The following POLE variants were observed in gnomAD, a reference collection of about 807,000 sequenced individuals.
The protein encoded by POLE is DNA polymerase epsilon, catalytic subunit.
A neutral mutation model predicts 279.2 loss-of-function variants in POLE; 188 were observed. The observed-to-expected ratio is 0.67, with a 90% CI of 0.60 to 0.76. The LOEUF (loss-of-function observed/expected upper bound fraction) is 0.76. Among genes scored for constraint, POLE ranks in the 30% least tolerant of loss-of-function variants. The pLI, the probability that POLE is intolerant of heterozygous loss-of-function variation, is 0.00. For missense variants in POLE, 2,703 were observed against 3,016.7 expected, an observed-to-expected ratio of 0.90 and a Z score of 2.44; for synonymous variants, 1,214 against 1,172.5, an observed-to-expected ratio of 1.04 and a Z score of -0.72.
chr12:132,636,441 GAAA>G (rs60289510), intron 41 of POLE, among the ~76,000 whole-genome samples: 1,702 of 44,242 alleles, frequency 0.038, 13 homozygotes, highest in East Asian at 0.077. Flanking sequence ...TCCATTTAAG[GAAA>G]AAAAAAAAAA....
At chr12:132,628,264 C>A (rs2041873553) in intron 45 of POLE, among the ~76,000 whole-genome samples, 3 of 152,126 alleles carry the variant, frequency 2.0e-5, no homozygotes, top group African/African-American at 4.8e-5. Context: ...ATGGCGTGAA[C>A]CTGGGAGGGA....
intron 29 of POLE, among the ~76,000 whole-genome samples, chr12:132,653,561 C>A (rs962151830): frequency 2.0e-5 from 3 of 152,222 alleles, no homozygotes; most frequent in South Asian, 4.1e-4. Flanking sequence ...TGCTGAAATA[C>A]ATATAAGTTA....
intron 6 of POLE, 27 bp downstream of exon 6, chr12:132,679,470 T>C (rs769998386): frequency 4.4e-6 from 7 of 1,589,076 alleles, no homozygotes; most frequent in Admixed American, 3.4e-5. Flanking sequence ...GAACCGCTGA[T>C]GCTTTGCTCA....
chr12:132,641,912 T>A, intron 38 of POLE, 61 bp from the exon 39 acceptor site: 1 of 1,519,370 alleles, frequency 6.6e-7, no homozygotes, highest in East Asian at 2.3e-5. Flanking sequence ...ACCAGCCCCC[T>A]GGGCCTGACT....
intron 39 of POLE, among the ~76,000 whole-genome samples, chr12:132,640,390 C>T (rs1454521557): frequency 6.6e-6 from 1 of 152,282 alleles, no homozygotes; most frequent in Admixed American, 6.5e-5. Flanking sequence ...GAACACAAGG[C>T]TGGGCCCCTA....
chr12:132,628,969 C>G (rs1279700421), intron 45 of POLE, among the ~76,000 whole-genome samples: 1 of 152,234 alleles, frequency 6.6e-6, no homozygotes, highest in Non-Finnish European at 1.5e-5. Flanking sequence ...AATGGTGAAT[C>G]CTTTCTAGAA....
At chr12:132,678,310 T>C (rs1372727101) in intron 6 of POLE, among the ~76,000 whole-genome samples, 1 of 150,150 alleles carries the variant, frequency 6.7e-6, no homozygotes, top group Non-Finnish European at 1.5e-5. Context: ...TGGTGGCTTA[T>C]GCCTCTAATC....
intron 1 of POLE, among the ~76,000 whole-genome samples, chr12:132,683,579 C>T (rs1018995516): frequency 6.6e-6 from 1 of 152,222 alleles, no homozygotes; most frequent in Non-Finnish European, 1.5e-5. Context: ...TAGTTGAATG[C>T]ACCCGTAATC....
At chr12:132,640,477 C>T (rs1156542600) in intron 39 of POLE, among the ~76,000 whole-genome samples, 1 of 152,246 alleles carries the variant, frequency 6.6e-6, no homozygotes, top group Non-Finnish European at 1.5e-5. Context: ...CCAGTGTAAA[C>T]AAGTTTCCCG....
rs369127106 is a variant in POLE at position 132,668,478 on chromosome 12, T to C, written c.2051A>G (p.His684Arg). 4 of 1,603,628 alleles carry C rather than the reference T, an allele frequency of 2.5e-6. No homozygotes were observed. In the African/African-American group the frequency reaches 4.0e-5, roughly 16 times the overall value. ...TGACTCCAGCTGGTGCTGGATCCGATGGTATTCGCTGCGACTGGCTGGCAC... is the reference window on the plus strand; with the variant it reads ...TGACTCCAGCTGGTGCTGGATCCGACGGTATTCGCTGCGACTGGCTGGCAC... ...EFMPASRSEYHRIQHQLESEK... is the reference protein window; with the variant it reads ...EFMPASRSEYRRIQHQLESEK... Residue 684 changes from histidine (H) to arginine (R), a missense_variant, in exon 19 of 49, where the codon CAT becomes CGT. By Grantham distance (29) the His-to-Arg change is conservative. This residue lies in a region of POLE where 1,011 missense variants were observed against 1,111.7 expected (regional missense o/e 0.91). Coordinates refer to ENST00000320574, the MANE Select transcript of POLE (RefSeq NM_006231.4). The surrounding 1 kb of genome is among the most constrained non-coding windows in gnomAD (Gnocchi z 4.0).
intron 32 of POLE, among the ~76,000 whole-genome samples, chr12:132,647,117 G>A (rs2042303066): frequency 1.3e-5 from 2 of 152,136 alleles, no homozygotes; most frequent in South Asian, 4.1e-4. Context: ...CATAAAGTGA[G>A]GGCCTACCGT....
intron 29 of POLE, chr12:132,651,263 T>G (rs1309003205): frequency 6.6e-6 from 1 of 152,212 alleles, no homozygotes; most frequent in East Asian, 1.9e-4. Flanking sequence ...GTAACTGATG[T>G]GAAATGATTT....
At chr12:132,645,658 A>G (rs1394690239) in intron 32 of POLE, among the ~76,000 whole-genome samples, 1 of 152,228 alleles carries the variant, frequency 6.6e-6, no homozygotes, top group Non-Finnish European at 1.5e-5. Flanking sequence ...AAAGTCTCAA[A>G]TATGTAAAAT....
rs764338018 is a variant in POLE at position 132,643,995 on chromosome 12, A to G, written c.4150-18T>C. ...CGATTTACCTGGCGAGAATACGACG[A>G]TGATCTCGTCACTGGGCGTAAGTGG... On this transcript the variant is annotated intron_variant, in intron 32 of 48. Transcript: ENST00000320574. 1 of 1,608,764 alleles carries G rather than the reference A, an allele frequency of 6.2e-7. No individual in the cohort carries two copies. Among genetic ancestry groups the G allele is most frequent in the Non-Finnish European group, 8.5e-7 (1 of 1,175,582 alleles).
intron 38 of POLE, 91 bp downstream of exon 38, chr12:132,642,086 C>A: frequency 8.2e-7 from 1 of 1,221,074 alleles, no homozygotes; most frequent in Non-Finnish European, 1.2e-6. Context: ...GAACTCTGAG[C>A]CCATCCTCGG....
chr12:132,642,810 C>G lies in POLE; in HGVS notation c.4728+10G>C, dbSNP rs1237098723. The stretch of plus-strand genomic sequence containing the variant: ...TGGGGCTCACACAGCAAGACCCCAA[C>G]CACTCTCACCTTGTAGGCGAGCAGG... On this transcript the variant is annotated intron_variant, in intron 36 of 48. Transcript: ENST00000320574. The G allele has an allele frequency of 6.2e-7, 1 of 1,613,772 alleles. No individual in the cohort carries two copies. Among genetic ancestry groups the G allele is most frequent in the Non-Finnish European group, 8.5e-7 (1 of 1,179,924 alleles).
chr12:132,638,197 G>A (rs2138503355), intron 40 of POLE, 58 bp from the exon 41 acceptor site: 3 of 1,549,848 alleles, frequency 1.9e-6, no homozygotes, highest in East Asian at 2.3e-5. Context: ...GAGCCAGAGG[G>A]CACCCAGAAA....
rs1593711885 is a variant in POLE at position 132,634,215 on chromosome 12, C to A, written c.5975G>T (p.Cys1992Phe). The change falls in exon 43 of 49, where the codon TGC (cysteine) becomes TTC (phenylalanine). Residue 1992 changes from cysteine (C) to phenylalanine (F), a missense_variant. Around this residue, in one of 5 missense-constraint regions of POLE, gnomAD observed 1,551 missense variants for 1,686.1 expected, o/e 0.92. Coordinates refer to ENST00000320574, the MANE Select transcript of POLE (RefSeq NM_006231.4). This position sits in a 1 kb window ranked among gnomAD's most constrained non-coding sequence, Gnocchi z 4.0. ...ILQFLPQAAS[C>F]QNYFLMIVSA... is the part of the protein sequence containing the mutation. The stretch of plus-strand genomic sequence containing the variant: ...AACAATCATGAGGAAGTAGTTCTGG[C>A]AGGAGGCTGCCTGTGGCAAAAACTG... The A allele has an allele frequency of 6.2e-7, 1 of 1,613,516 alleles. No individual in the cohort carries two copies. The highest frequency in any genetic ancestry group is 8.5e-7 in the Non-Finnish European group (1 of 1,179,694).
rs1565945357 is a variant in POLE at position 132,648,999 on chromosome 12, A to T, written c.4079T>A (p.Leu1360Gln). ...CACGTAGAACACACGGGGGATGCTC[A>T]GCCTGATGCAGTGCAAGTCACTGCC... ...LVGSDLHCIRLSIPRVFYVNQ... is the reference protein window; with the variant it reads ...LVGSDLHCIRQSIPRVFYVNQ... The change falls in exon 32 of 49, where the codon CTG becomes CAG. Residue 1360 changes from leucine (L) to glutamine (Q), a missense_variant. Transcript: ENST00000320574. The T allele has an allele frequency of 6.2e-7, 1 of 1,614,076 alleles. No homozygotes were observed. The highest frequency in any genetic ancestry group is 1.1e-5 in the South Asian group (1 of 91,088).
Sources: allele counts gnomAD v4.1 joint callset (sites outside exome capture counted in the v4.1 genomes callset), GRCh38; gene constraint gnomAD v4.1.1; regional missense constraint gnomAD v4.1.1; non-coding constraint Gnocchi (gnomAD v3.1); transcripts MANE v1.5; gene names NCBI Gene and HGNC (gene_info 2026-07-23, HGNC 2026-07-21).